The following GALNT11 variants were observed in gnomAD, a reference collection of about 807,000 sequenced individuals.
GALNT11 encodes the protein polypeptide N-acetylgalactosaminyltransferase 11.
In GALNT11, 47 loss-of-function variants were observed where a neutral mutation model predicts 72.7. The observed-to-expected ratio is 0.65, with a 90% CI of 0.51 to 0.82. GALNT11 has a LOEUF of 0.82. Ranked by LOEUF, GALNT11 falls within the 40% of genes least tolerant of loss-of-function variation. GALNT11 has a pLI of 0.00. For synonymous variants in GALNT11, 270 were observed against 286.6 expected (o/e 0.94, Z 0.58); for missense variants, 677 against 778.4 (o/e 0.87, Z 1.55).
At chr7:152,064,996 G>T in intron 1 of GALNT11, among the ~76,000 whole-genome samples, 1 of 152,200 alleles carries the variant, frequency 6.6e-6, no homozygotes, top group South Asian at 2.1e-4. Flanking sequence ...TTGAATGTTG[G>T]CCTGCCTTGC....
At position 152,110,634 on chromosome 7, in the gene GALNT11, A is replaced by G; in HGVS notation, c.1069A>G (p.Ile357Val). 1 of 1,606,164 alleles carries G rather than the reference A, an allele frequency of 6.2e-7. No individual in the cohort carries two copies. The stretch of plus-strand genomic sequence containing the variant: ...TATCTGGGGAGGAGAAAATTTGGAA[A>G]TATCATTTCGGGTAATTTAATTTTT... ...MDIWGGENLE[I>V]SFRIWMCGGK... Residue 357 changes from isoleucine to valine, a missense_variant, in exon 7 of 12, where the codon ATA (isoleucine) becomes GTA (valine). Ile to Val is a conservative substitution (Grantham distance 29, BLOSUM62 3). Transcript: ENST00000430044.
intron 1 of GALNT11, among the ~76,000 whole-genome samples, chr7:152,029,558 T>A (rs1364635322): frequency 6.6e-6 from 1 of 152,256 alleles, no homozygotes; most frequent in Non-Finnish European, 1.5e-5. Flanking sequence ...TATTCTTTGC[T>A]ATTAATAAGA....
chr7:152,112,105 TCTC>T, intron 7 of GALNT11, among the ~76,000 whole-genome samples: 1 of 152,250 alleles, frequency 6.6e-6, no homozygotes, highest in South Asian at 2.1e-4. Context: ...AGCTGAGACT[TCTC>T]CTTCCAAGCA....
rs2083152869 is a variant in GALNT11, at chr7:152,046,876, TTCC to T, written c.-39+20994_-39+20996del. Among the ~76,000 whole-genome samples, 4 of 152,346 alleles carry T rather than the reference TTCC, an allele frequency of 2.6e-5. No homozygotes were observed. The South Asian group carries it at 8.3e-4, about 32-fold the overall frequency. On this transcript the variant is annotated intron_variant, in intron 1 of 11. Transcript: ENST00000430044. ...TTTGTGGTCTGCTTCCTTCTTAACC[TTCC>T]TTCCTGTCTTCCTTTTAGTGAAGGT...
chr7:152,028,687 T>C (rs535851723), intron 1 of GALNT11, among the ~76,000 whole-genome samples: 28 of 151,700 alleles, frequency 1.8e-4, no homozygotes, highest in African/African-American at 6.3e-4. Flanking sequence ...ATCCCCCCCC[T>C]CTAAACAGGA....
rs901400589 is a variant in GALNT11 at position 152,094,578 on chromosome 7, T to C, written c.295+56T>C. 24 of 1,502,250 alleles carry C rather than the reference T, an allele frequency of 1.6e-5. No individual in the cohort carries two copies. The highest frequency in any genetic ancestry group is 2.0e-5 in the Non-Finnish European group (23 of 1,122,236). 93.1% of individuals were successfully genotyped at this position (1,502,250 alleles called of 1,614,324 possible). A position where few individuals can be genotyped will look rare whatever the true frequency, so the allele number is the denominator to read the frequency against. ...TCAATGTATTTAATCACTGGAAGTTTGATTAATTAGTTAATTAGGAGATCA... is the reference window on the plus strand; with the variant it reads ...TCAATGTATTTAATCACTGGAAGTTCGATTAATTAGTTAATTAGGAGATCA... On this transcript the variant is annotated intron_variant, in intron 2 of 11. Transcript: ENST00000430044. The surrounding 1 kb of genome is among the most constrained non-coding windows in gnomAD (Gnocchi z 4.3).
chr7:152,100,379 A>G (rs913059252), intron 2 of GALNT11, among the ~76,000 whole-genome samples: 1 of 152,140 alleles, frequency 6.6e-6, no homozygotes, highest in East Asian at 1.9e-4. Flanking sequence ...CATCCTGGCC[A>G]ATATGGTGAA....
intron 1 of GALNT11, among the ~76,000 whole-genome samples, chr7:152,051,876 G>A (rs781723741): frequency 5.0e-4 from 76 of 152,100 alleles, no homozygotes; most frequent in Admixed American, 9.8e-4. Context: ...GTTCTACTGC[G>A]CTTTTTGTTG....
At chr7:152,079,005 G>A (rs2085156458) in intron 1 of GALNT11, among the ~76,000 whole-genome samples, 1 of 152,164 alleles carries the variant, frequency 6.6e-6, no homozygotes, top group South Asian at 2.1e-4. Flanking sequence ...TTGCCGACTG[G>A]GAAGAATGAC....
chr7:152,086,354 A>T (rs1233942350), intron 1 of GALNT11, among the ~76,000 whole-genome samples: 13 of 152,216 alleles, frequency 8.5e-5, no homozygotes, highest in Non-Finnish European at 1.9e-4. Context: ...GAAAACAGAT[A>T]GTTCCTTTAT....
Position 152,116,958 on chromosome 7 carries a change from T to A in GALNT11, c.1234-199T>A, listed in dbSNP as rs1465987372. ...GAGTTTTCCGTAATTTTTAAGAACA[T>A]CGATGACTGAGACTCACGAGTTTGA... On this transcript the variant is annotated intron_variant, in intron 8 of 11. Transcript: ENST00000430044. The A allele has an allele frequency of 7.3e-6, 5 of 685,532 alleles. No individual in the cohort carries two copies. In the East Asian group the frequency reaches 1.1e-4, roughly 16 times the overall value. The allele number at this position is 685,532 out of a possible 1,614,324, so 42.5% of individuals were successfully genotyped here.
chr7:152,092,971 G>A lies in GALNT11; in HGVS notation c.-38-1219G>A, dbSNP rs149869892. Among the ~76,000 whole-genome samples, 805 of 152,332 alleles carry A rather than the reference G, an allele frequency of 5.3e-3. 8 individuals are homozygous for A. The highest frequency in any genetic ancestry group is 0.019 in the African/African-American group (776 of 41,576). On this transcript the variant is annotated intron_variant, in intron 1 of 11. Transcript: ENST00000430044. The stretch of plus-strand genomic sequence containing the variant: ...TGCCAGGCACGGTGGCCTCACGCCT[G>A]TAATCCCAGCACTTTGGGAGGCCAA...
chr7:152,062,110 G>A (rs369170909), intron 1 of GALNT11, among the ~76,000 whole-genome samples: 16 of 152,296 alleles, frequency 1.1e-4, no homozygotes, highest in East Asian at 9.6e-4. Flanking sequence ...CCATGAGCAT[G>A]GAATGTTCTT....
intron 1 of GALNT11, among the ~76,000 whole-genome samples, chr7:152,073,309 G>A (rs1055939464): frequency 4.6e-5 from 7 of 151,814 alleles, no homozygotes; most frequent in East Asian, 1.9e-4. Flanking sequence ...TCCTCCCTTC[G>A]CCCACCCTTC....
intron 1 of GALNT11, among the ~76,000 whole-genome samples, chr7:152,051,107 G>A (rs2152030897): frequency 6.6e-6 from 1 of 150,622 alleles, no homozygotes; most frequent in South Asian, 2.1e-4. Context: ...GTGCTTTGTT[G>A]TGTGGATTGT....
chr7:152,095,419 C>G (rs901460885), intron 2 of GALNT11, among the ~76,000 whole-genome samples: 2 of 151,858 alleles, frequency 1.3e-5, no homozygotes, highest in Non-Finnish European at 2.9e-5. Context: ...ATTGAGAGAG[C>G]CTTAGAATGT....
intron 1 of GALNT11, among the ~76,000 whole-genome samples, chr7:152,057,452 G>A (rs1270300703): frequency 3.3e-5 from 5 of 151,584 alleles, no homozygotes; most frequent in Middle Eastern, 3.4e-3. Flanking sequence ...GATTACAGGC[G>A]CCTGCTACCA....
chr7:152,103,359 T>C, intron 4 of GALNT11, 81 bp downstream of exon 4: 4 of 1,429,014 alleles, frequency 2.8e-6, no homozygotes, highest in Non-Finnish European at 3.8e-6. Context: ...CAGCTGAACT[T>C]TCAAGTACGT....
intron 1 of GALNT11, among the ~76,000 whole-genome samples, chr7:152,070,003 C>T (rs6963487): frequency 0.15 from 21,687 of 141,280 alleles, 4,096 homozygotes; most frequent in African/African-American, 0.45. Flanking sequence ...TTTTCTTTTT[C>T]TTTTTTTTTT....
Sources: gnomAD v4.1 joint callset for allele counts (sites outside exome capture counted in the v4.1 genomes callset) on GRCh38, gnomAD v4.1.1 for gene constraint, Gnocchi (gnomAD v3.1) non-coding constraint, MANE v1.5 for transcripts, NCBI Gene and HGNC (gene_info 2026-07-23, HGNC 2026-07-21) for gene names.